The following REV3L variants were observed in gnomAD, a reference collection of about 807,000 sequenced individuals.
REV3L encodes the protein DNA polymerase zeta catalytic subunit.
REV3L carries 69 observed loss-of-function variants against 299.4 expected under a neutral mutation model. The observed-to-expected ratio is 0.23, with a 90% confidence interval of 0.19 to 0.28. REV3L has a LOEUF of 0.28. REV3L is among the 10% of genes least tolerant of loss of function. The pLI is 1.00. For missense variants in REV3L, 3,128 were observed against 3,693.8 expected (o/e 0.85, Z 3.97); for synonymous variants, 1,238 against 1,271.4 (o/e 0.97, Z 0.56).
chr6:111,417,488 C>A (rs1784897501), intron 1 of REV3L, among the ~76,000 whole-genome samples: 1 of 152,100 alleles, frequency 6.6e-6, no homozygotes, highest in Non-Finnish European at 1.5e-5. Flanking sequence ...ATGCTGTCAC[C>A]CGCTCTCACT....
chr6:111,338,538 T>C lies in REV3L; in HGVS notation c.7539-2928A>G, dbSNP rs967310743. ...TTAAAAGTATATAATATAGTTAATA[T>C]ACATAACTGTTACGGTGAAAATGGT... On this transcript the variant is annotated intron_variant, in intron 21 of 31. Transcript: ENST00000368802. 2.0e-5 allele frequency among the ~76,000 whole-genome samples: 3 copies of C among 151,610 alleles called. No individual in the cohort carries two copies. In the East Asian group the frequency reaches 5.8e-4, roughly 29 times the overall value.
At chr6:111,342,438 G>A (rs1260080061) in intron 21 of REV3L, among the ~76,000 whole-genome samples, 69 of 152,142 alleles carry the variant, frequency 4.5e-4, no homozygotes, top group Admixed American at 4.5e-3. Flanking sequence ...GGAGGCCGAG[G>A]CGGGCGGATC....
intron 16 of REV3L, chr6:111,360,843 T>C (rs1778581412): frequency 6.6e-6 from 1 of 151,796 alleles, no homozygotes; most frequent in South Asian, 2.1e-4. Flanking sequence ...ATAAAACAAA[T>C]ACAAATCTAC....
rs1331401337 is a variant in REV3L at position 111,365,115 on chromosome 6, T to G, written c.6753+150A>C. 8.0e-6 allele frequency: 4 copies of G among 501,004 alleles called. No homozygotes were observed. The African/African-American group carries it at 8.2e-5, about 10-fold the overall frequency. The allele number at this position is 501,004 out of a possible 1,614,324, so 31.0% of individuals were successfully genotyped here. On this transcript the variant is annotated intron_variant, in intron 15 of 31. Coordinates refer to ENST00000368802, the MANE Select transcript of REV3L (RefSeq NM_001372078.1). Reference sequence around the variant, plus strand: ...AAAAAAAAAACTAAAAAAAGGCAAATTTTTGTTGTCTCAAAGATATGCAAA... The same window carrying G: ...AAAAAAAAAACTAAAAAAAGGCAAAGTTTTGTTGTCTCAAAGATATGCAAA...
At chr6:111,364,505 A>AT (rs1779010661) in intron 15 of REV3L, among the ~76,000 whole-genome samples, 1 of 152,004 alleles carries the variant, frequency 6.6e-6, no homozygotes, top group Non-Finnish European at 1.5e-5. Context: ...TTCTAAATCT[A>AT]TTAACTGTTT....
At position 111,374,506 on chromosome 6, in the gene REV3L, G is replaced by C; in HGVS notation, c.3849C>G (p.Pro1283=). 1.9e-6 allele frequency: 3 copies of C among 1,614,000 alleles called. No homozygotes were observed. The highest frequency in any genetic ancestry group is 1.7e-6 in the Non-Finnish European group (2 of 1,179,920). ...ACTTCTGTTGTGCATTAATTCCAGTGGGTAGGGAAGCAGAAAGGGGATGAT... is the reference window on the plus strand; with the variant it reads ...ACTTCTGTTGTGCATTAATTCCAGTCGGTAGGGAAGCAGAAAGGGGATGAT... The part of the protein sequence containing the change: ...AVDHPLSASL[P]TGINAQQKLS... The change falls in exon 13 of 32, where the codon CCC becomes CCG. Residue 1283 remains proline, a synonymous_variant. Transcript: ENST00000368802.
chr6:111,341,207 C>A (rs745835653), intron 21 of REV3L, among the ~76,000 whole-genome samples: 2 of 151,844 alleles, frequency 1.3e-5, no homozygotes, highest in Admixed American at 6.6e-5. Flanking sequence ...CCACCATGCC[C>A]GGCTAATTTT....
chr6:111,373,417 A>G lies in REV3L; in HGVS notation c.4938T>C (p.Asn1646=), dbSNP rs771489377. 48 of 1,613,340 alleles carry G rather than the reference A, an allele frequency of 3.0e-5. 1 individual carries two copies. The South Asian group carries it at 5.1e-4, about 17-fold the overall frequency. ...EDSLSPEHNY[N]FDINTIGQTG... is the part of the protein sequence containing the mutation. ...TCTGACCTATTGTGTTAATATCAAA[A>G]TTATAATTATGTTCAGGAGATAAAC... is the stretch of plus-strand genomic sequence containing the variant. The change falls in exon 13 of 32, where the codon AAT becomes AAC. Residue 1646 remains asparagine, a synonymous_variant. Coordinates refer to ENST00000368802, the MANE Select transcript of REV3L (RefSeq NM_001372078.1).
intron 28 of REV3L, 126 bp downstream of exon 28, chr6:111,313,226 A>C (rs544231308): frequency 3.8e-6 from 3 of 782,788 alleles, no homozygotes; most frequent in Non-Finnish European, 5.7e-6. Context: ...AGTTACTCCT[A>C]TAGTTATATT....
At chr6:111,342,311 G>C (rs916887781) in intron 21 of REV3L, among the ~76,000 whole-genome samples, 7 of 152,126 alleles carry the variant, frequency 4.6e-5, no homozygotes, top group African/African-American at 1.7e-4. Context: ...CCTGCCAGTG[G>C]TACAAAGCAG....
chr6:111,476,020 C>A (rs1792902041), intron 1 of REV3L, among the ~76,000 whole-genome samples: 1 of 152,292 alleles, frequency 6.6e-6, no homozygotes, highest in East Asian at 1.9e-4. Flanking sequence ...AAGTTGAATA[C>A]CCCTTATCTG....
At chr6:111,393,577 T>C (rs1289289111) in intron 4 of REV3L, among the ~76,000 whole-genome samples, 1 of 152,242 alleles carries the variant, frequency 6.6e-6, no homozygotes, top group Non-Finnish European at 1.5e-5. Context: ...TCCTGTATGC[T>C]ATCAAACACT....
chr6:111,375,935 CAGTT>C lies in REV3L; in HGVS notation c.2416_2419del (p.Asn806ValfsTer24). 1 of 1,613,892 alleles carries C rather than the reference CAGTT, an allele frequency of 6.2e-7. No homozygotes were observed. ...AGATAGTTTCTGTGGTCTAGTAAGA[CAGTT>C]AGAAAGAACAACACTGGGAAAAAAC... On this transcript the variant is annotated frameshift_variant, in exon 13 of 32. Coordinates refer to ENST00000368802, the MANE Select transcript of REV3L (RefSeq NM_001372078.1). LOFTEE classifies it high-confidence loss of function.
intron 31 of REV3L, among the ~76,000 whole-genome samples, chr6:111,303,157 T>TTTTCTTTCTTTC (rs1414742198): frequency 0.039 from 3,629 of 92,616 alleles, 276 homozygotes; most frequent in African/African-American, 0.16. Flanking sequence ...TGAGGCTTTC[T>TTTTCTTTCTTTC]TTTCTTTCTT....
At chr6:111,436,376 G>T (rs563956453) in intron 1 of REV3L, among the ~76,000 whole-genome samples, 1 of 152,208 alleles carries the variant, frequency 6.6e-6, no homozygotes, top group African/African-American at 2.4e-5. Flanking sequence ...TAGAATCAAT[G>T]TAAGTGCCCA....
At chr6:111,420,487 T>C (rs1231103581) in intron 1 of REV3L, among the ~76,000 whole-genome samples, 1 of 152,190 alleles carries the variant, frequency 6.6e-6, no homozygotes, top group East Asian at 1.9e-4. Context: ...TGAAACTTCA[T>C]ACTCTTTAAA....
Position 111,373,378 on chromosome 6 carries a change from G to A in REV3L, c.4977C>T (p.Ser1659=). Reference sequence around the variant, plus strand: ...GGACAAACTGACTTCCAGAATAAAAGCTACAAAATCCAGTCTGACCTATTG... The same window carrying A: ...GGACAAACTGACTTCCAGAATAAAAACTACAAAATCCAGTCTGACCTATTG... The part of the protein sequence containing the change: ...INTIGQTGFC[S]FYSGSQFVPA... The change falls in exon 13 of 32, where the codon AGC becomes AGT. Residue 1659 remains serine (S), a synonymous_variant. Transcript: ENST00000368802. 6.2e-7 allele frequency: 1 copy of A among 1,613,496 alleles called. No homozygotes were observed. Among genetic ancestry groups the A allele is most frequent in the Non-Finnish European group, 8.5e-7 (1 of 1,179,836 alleles).
chr6:111,343,345 G>A (rs764064431), intron 21 of REV3L, among the ~76,000 whole-genome samples: 4 of 152,052 alleles, frequency 2.6e-5, no homozygotes, highest in Non-Finnish European at 4.4e-5. Flanking sequence ...TTCTATAATT[G>A]GCAAAACTAA....
Position 111,353,283 on chromosome 6 carries a change from A to G in REV3L, c.7185-1492T>C, listed in dbSNP as rs17511132. ...AGAACCAATATGTTAATATTTTATC[A>G]TAATTCCATAGCTGTCTTCTAAAAA... On this transcript the variant is annotated intron_variant, in intron 18 of 31. Transcript: ENST00000368802. 4.8e-3 allele frequency among the ~76,000 whole-genome samples: 737 copies of G among 152,338 alleles called. 19 individuals carry two copies. The East Asian group carries it at 0.072, about 15-fold the overall frequency.
Sources: gnomAD v4.1 joint callset for allele counts (sites outside exome capture counted in the v4.1 genomes callset) on GRCh38, gnomAD v4.1.1 for gene constraint, MANE v1.5 for transcripts, NCBI Gene and HGNC (gene_info 2026-07-23, HGNC 2026-07-21) for gene names.